SUPT3H: variants seen among roughly 807,000 people sequenced by gnomAD.
The protein encoded by SUPT3H is SPT3 homolog, SAGA and STAGA complex component, also known as transcription initiation protein SPT3 homolog.
A neutral mutation model predicts 44.3 loss-of-function variants in SUPT3H; 44 were observed. The ratio of observed to expected loss-of-function variants is 0.99; its 90% CI spans 0.78 to 1.28. The LOEUF is 1.28. Ranked by LOEUF, SUPT3H falls within the 50% of genes most tolerant of loss-of-function variation. SUPT3H has a pLI of 0.00. For synonymous variants in SUPT3H, 124 were observed against 125.6 expected (o/e 0.99, Z 0.09); for missense variants, 380 against 387.1 (o/e 0.98, Z 0.15).
intron 2 of SUPT3H, among the ~76,000 whole-genome samples, chr6:45,331,884 A>T (rs1006247220): frequency 1.3e-5 from 2 of 152,032 alleles, no homozygotes; most frequent in African/African-American, 2.4e-5. Flanking sequence ...TAAATCAGTC[A>T]TGCTAAAGTT....
intron 10 of SUPT3H, among the ~76,000 whole-genome samples, chr6:44,910,332 C>G (rs554036737): frequency 6.6e-6 from 1 of 152,328 alleles, no homozygotes; most frequent in African/African-American, 2.4e-5. Context: ...GGTTTCTCTA[C>G]TGCGTATCTT....
chr6:45,208,285 T>C (rs1263427544), intron 2 of SUPT3H, among the ~76,000 whole-genome samples: 1 of 152,180 alleles, frequency 6.6e-6, no homozygotes, highest in Non-Finnish European at 1.5e-5. Context: ...AGTTAGAAAC[T>C]GGCAGATGTT....
chr6:45,346,808 G>A (rs559186628), intron 2 of SUPT3H, among the ~76,000 whole-genome samples: 4 of 152,020 alleles, frequency 2.6e-5, no homozygotes, highest in South Asian at 4.2e-4. Flanking sequence ...CAGGTGATTC[G>A]CCCACCTTGG....
chr6:44,961,800 T>C lies in SUPT3H; in HGVS notation c.533A>G (p.Asp178Gly), dbSNP rs1286471494. 2.5e-6 allele frequency: 4 copies of C among 1,606,222 alleles called. No homozygotes were observed. The highest frequency in any genetic ancestry group is 1.3e-5 in the African/African-American group (1 of 74,632). ...ERAERQTRIM[D>G]SAQYAEFCES... Reference sequence around the variant, plus strand: ...ACAGAATTCTGCATATTGAGCTGAATCCATAATTCGAGTTTGTCTTTCTGC... The same window carrying C: ...ACAGAATTCTGCATATTGAGCTGAACCCATAATTCGAGTTTGTCTTTCTGC... Residue 178 changes from aspartate to glycine, a missense_variant, in exon 7 of 11, where the codon GAT becomes GGT. Asp to Gly is a moderately conservative substitution (Grantham distance 94). Coordinates refer to ENST00000371459, the MANE Select transcript of SUPT3H (RefSeq NM_003599.4).
intron 2 of SUPT3H, among the ~76,000 whole-genome samples, chr6:45,165,212 G>A (rs1809648074): frequency 6.6e-6 from 1 of 151,280 alleles, no homozygotes; most frequent in Admixed American, 6.6e-5. Flanking sequence ...AAAAGAGCTG[G>A]AACACTGAGA....
intron 2 of SUPT3H, among the ~76,000 whole-genome samples, chr6:45,143,923 T>C (rs189597565): frequency 6.6e-6 from 1 of 152,260 alleles, no homozygotes. Context: ...AACACCTTTA[T>C]ATACACGAAC....
intron 11 of SUPT3H, among the ~76,000 whole-genome samples, chr6:44,810,504 A>T (rs979994449): frequency 6.6e-6 from 1 of 152,058 alleles, no homozygotes; most frequent in Non-Finnish European, 1.5e-5. Flanking sequence ...TCAGTATTTA[A>T]GTTACAGGAT....
chr6:45,348,361 T>C (rs1250181265), intron 2 of SUPT3H, among the ~76,000 whole-genome samples: 1 of 151,656 alleles, frequency 6.6e-6, no homozygotes, highest in Non-Finnish European at 1.5e-5. Flanking sequence ...GTCTCCTCAT[T>C]TTCTTAATCT....
In SUPT3H at chr6:44,991,891, G is replaced by A. The variant is rs760170109; in HGVS notation, c.504+11762C>T. ...GAGAATACACTTGTTTTCATATTTAGAAACACTAACTTGGTGAGATTAAAC... is the reference window on the plus strand; with the variant it reads ...GAGAATACACTTGTTTTCATATTTAAAAACACTAACTTGGTGAGATTAAAC... On this transcript the variant is annotated intron_variant, in intron 6 of 10. Coordinates refer to ENST00000371459, the MANE Select transcript of SUPT3H (RefSeq NM_003599.4). 4.4e-4 allele frequency among the ~76,000 whole-genome samples: 67 copies of A among 152,162 alleles called. 1 individual carries two copies. Among genetic ancestry groups the A allele is most frequent in the Admixed American group, 1.2e-3 (19 of 15,260 alleles).
chr6:45,107,391 C>T (rs998988186), intron 2 of SUPT3H, among the ~76,000 whole-genome samples: 1 of 152,068 alleles, frequency 6.6e-6, no homozygotes, highest in African/African-American at 2.4e-5. Context: ...GTTTGAGAAT[C>T]CAATATAACA....
chr6:45,226,412 T>C (rs1453707460), intron 2 of SUPT3H, among the ~76,000 whole-genome samples: 1 of 152,018 alleles, frequency 6.6e-6, no homozygotes, highest in Admixed American at 6.6e-5. Flanking sequence ...TGACTGACTG[T>C]GGTATTGTGC....
chr6:45,096,806 T>G, intron 3 of SUPT3H, among the ~76,000 whole-genome samples: 1 of 147,940 alleles, frequency 6.8e-6, no homozygotes, highest in South Asian at 2.2e-4. Flanking sequence ...CTAAGGGAGG[T>G]TTTTTTTTAA....
chr6:44,837,145 TAAAAAC>T, intron 10 of SUPT3H, among the ~76,000 whole-genome samples: 2 of 152,146 alleles, frequency 1.3e-5, no homozygotes, highest in South Asian at 4.2e-4. Context: ...TGATACAAGA[TAAAAAC>T]AAAAAGAACG....
intron 4 of SUPT3H, among the ~76,000 whole-genome samples, chr6:45,017,244 A>G (rs1182228747): frequency 6.7e-6 from 1 of 149,754 alleles, no homozygotes; most frequent in African/African-American, 2.4e-5. Context: ...TCTGGATATT[A>G]GCCCTTTGTC....
intron 2 of SUPT3H, among the ~76,000 whole-genome samples, chr6:45,290,185 A>T (rs1780086327): frequency 6.6e-6 from 1 of 152,176 alleles, no homozygotes; most frequent in Non-Finnish European, 1.5e-5. Flanking sequence ...GTCTCAAAAA[A>T]AGAAAAAAAA....
chr6:45,273,586 T>C (rs147746673), intron 2 of SUPT3H, among the ~76,000 whole-genome samples: 205 of 152,328 alleles, frequency 1.3e-3, no homozygotes, highest in Middle Eastern at 3.4e-3. Context: ...CCAGGCATAG[T>C]ATTTCATAAT....
Position 45,111,481 on chromosome 6 carries a change from A to T in SUPT3H, c.102-5475T>A, listed in dbSNP as rs181558677. 9.0e-3 allele frequency among the ~76,000 whole-genome samples: 1,368 copies of T among 152,078 alleles called. 14 individuals are homozygous for T. Among genetic ancestry groups the T allele is most frequent in the South Asian group, 0.028 (135 of 4,804 alleles). ...TTTCCAAAGTGTTCCCTACCAAGTAAATCAGTCTAATTAGTACTAGAAGGT... is the reference window on the plus strand; with the variant it reads ...TTTCCAAAGTGTTCCCTACCAAGTATATCAGTCTAATTAGTACTAGAAGGT... On this transcript the variant is annotated intron_variant, in intron 2 of 10. Coordinates refer to ENST00000371459, the MANE Select transcript of SUPT3H (RefSeq NM_003599.4).
At chr6:45,181,134 A>G (rs1813089018) in intron 2 of SUPT3H, among the ~76,000 whole-genome samples, 1 of 143,502 alleles carries the variant, frequency 7.0e-6, no homozygotes, top group South Asian at 2.3e-4. Flanking sequence ...ATCGCTGGCC[A>G]TCAGAGAAAT....
chr6:44,932,542 A>C (rs746648452), intron 10 of SUPT3H, 111 bp downstream of exon 10: 12 of 682,394 alleles, frequency 1.8e-5, no homozygotes, highest in Non-Finnish European at 2.8e-5. Context: ...ACAAAATTAC[A>C]GTCACCACAA....
Sources: allele counts gnomAD v4.1 joint callset (sites outside exome capture counted in the v4.1 genomes callset), GRCh38; gene constraint gnomAD v4.1.1; transcripts MANE v1.5; gene names NCBI Gene and HGNC (gene_info 2026-07-23, HGNC 2026-07-21).